The following PARD3B variants were observed in gnomAD, a reference collection of about 807,000 sequenced individuals.
The protein encoded by PARD3B is partitioning defective 3 homolog B.
In PARD3B, 103 loss-of-function variants were observed where a neutral mutation model predicts 130.2. That is an observed-to-expected ratio of 0.79 (90% CI 0.67 to 0.93). PARD3B has a LOEUF of 0.93. PARD3B is among the 40% of genes least tolerant of loss of function. The pLI is 0.00. For missense variants in PARD3B, 1,609 were observed against 1,499.2 expected, an observed-to-expected ratio of 1.07 and a Z score of -1.21; for synonymous variants, 583 against 553.2, an observed-to-expected ratio of 1.05 and a Z score of -0.76.
At chr2:204,681,071 CATTTT>C (rs968723883) in intron 1 of PARD3B, among the ~76,000 whole-genome samples, 61 of 152,170 alleles carry the variant, frequency 4.0e-4, no homozygotes, top group African/African-American at 1.4e-3. Flanking sequence ...AAGATCTGTT[CATTTT>C]GACAGTATAT....
intron 19 of PARD3B, among the ~76,000 whole-genome samples, chr2:205,418,031 T>C (rs1443247524): frequency 6.6e-6 from 1 of 152,224 alleles, no homozygotes; most frequent in East Asian, 1.9e-4. Context: ...TTTTACGTTT[T>C]CTCATATGAA....
At chr2:204,942,867 G>A (rs368843972) in intron 2 of PARD3B, among the ~76,000 whole-genome samples, 55 of 152,048 alleles carry the variant, frequency 3.6e-4, no homozygotes, top group African/African-American at 1.2e-3. Flanking sequence ...GTGAAAAAAG[G>A]AACAACAGAA....
At chr2:205,536,449 CT>C (rs1250561515) in intron 21 of PARD3B, among the ~76,000 whole-genome samples, 3 of 152,132 alleles carry the variant, frequency 2.0e-5, no homozygotes, top group Admixed American at 1.3e-4. Context: ...TCTACCCACT[CT>C]TTGGATGGGT....
At chr2:205,295,031 A>C (rs1030692730) in intron 16 of PARD3B, among the ~76,000 whole-genome samples, 7 of 152,292 alleles carry the variant, frequency 4.6e-5, no homozygotes, top group Non-Finnish European at 7.3e-5. Flanking sequence ...ATGGATTTGC[A>C]ATGATATCAA....
chr2:205,477,380 T>C (rs1046563169), intron 20 of PARD3B, among the ~76,000 whole-genome samples: 2 of 152,182 alleles, frequency 1.3e-5, no homozygotes, highest in African/African-American at 4.8e-5. Context: ...GCCACTCTAG[T>C]TGCTGTCTCC....
rs529824268 is a variant in PARD3B at position 204,653,833 on chromosome 2, A to G, written c.121-32348A>G. 1.4e-3 allele frequency among the ~76,000 whole-genome samples: 213 copies of G among 150,892 alleles called. 15 individuals are homozygous for G. The highest frequency in any genetic ancestry group is 5.1e-3 in the African/African-American group (206 of 40,334). Reference sequence around the variant, plus strand: ...AGTTGAAATATTCATTCAGCATTCAAGGGGACCTGATGTCTGAGATTAGTT... The same window carrying G: ...AGTTGAAATATTCATTCAGCATTCAGGGGGACCTGATGTCTGAGATTAGTT... On this transcript the variant is annotated intron_variant, in intron 1 of 22. Coordinates refer to ENST00000406610, the MANE Select transcript of PARD3B (RefSeq NM_001302769.2).
In PARD3B at chr2:204,580,078, G is replaced by A. The variant is rs13407064; in HGVS notation, c.120+33959G>A. Among the ~76,000 whole-genome samples the A allele has an allele frequency of 8.7e-3, 1,319 of 152,240 alleles. 18 individuals carry two copies. Among genetic ancestry groups the A allele is most frequent in the African/African-American group, 0.03 (1,236 of 41,536 alleles). ...GTTCATTCATCATGCGTTTATAGAAGCCAGTCCTTGACCCAGGGGGACCCA... is the reference window on the plus strand; with the variant it reads ...GTTCATTCATCATGCGTTTATAGAAACCAGTCCTTGACCCAGGGGGACCCA... On this transcript the variant is annotated intron_variant, in intron 1 of 22. Coordinates refer to ENST00000406610, the MANE Select transcript of PARD3B (RefSeq NM_001302769.2).
At chr2:204,781,107 A>G (rs1250656256) in intron 2 of PARD3B, among the ~76,000 whole-genome samples, 1 of 152,156 alleles carries the variant, frequency 6.6e-6, no homozygotes, top group Non-Finnish European at 1.5e-5. Flanking sequence ...GTATGTAATG[A>G]TAATGATTTG....
chr2:204,957,158 T>C (rs780981644), intron 2 of PARD3B, among the ~76,000 whole-genome samples: 10 of 152,206 alleles, frequency 6.6e-5, no homozygotes, highest in Non-Finnish European at 7.4e-5. Context: ...CATATCATCT[T>C]TGAAATTTTA....
chr2:205,028,036 T>C (rs1697156837), intron 3 of PARD3B, among the ~76,000 whole-genome samples: 1 of 152,158 alleles, frequency 6.6e-6, no homozygotes, highest in African/African-American at 2.4e-5. Context: ...TTGCTCAAGA[T>C]TACTTTTGGT....
intron 10 of PARD3B, among the ~76,000 whole-genome samples, chr2:205,136,048 T>G (rs993448156): frequency 2.6e-5 from 4 of 152,132 alleles, no homozygotes; most frequent in Non-Finnish European, 5.9e-5. Context: ...TATAAACGAG[T>G]TCAATGATGT....
At chr2:204,886,063 T>A (rs920995950) in intron 2 of PARD3B, among the ~76,000 whole-genome samples, 3 of 152,194 alleles carry the variant, frequency 2.0e-5, no homozygotes, top group African/African-American at 7.2e-5. Flanking sequence ...CTGTTCACAA[T>A]TTTGGGGCTT....
rs2055521582 is a variant in PARD3B at position 205,619,064 on chromosome 2, TG to T, written c.*3255del. ...ACCGACTGTCACCCGTGGATCCTGA[TG>T]GGGAAGAACAGAGGCTTCACTGTAG... On this transcript the variant is annotated 3_prime_UTR_variant, in exon 23 of 23. Coordinates refer to ENST00000406610, the MANE Select transcript of PARD3B (RefSeq NM_001302769.2). 6.6e-6 allele frequency: 1 copy of T among 152,202 alleles called. No individual in the cohort carries two copies. The highest frequency in any genetic ancestry group is 2.1e-4 in the South Asian group (1 of 4,824). The allele number at this position is 152,202 out of a possible 1,614,324, so 9.4% of individuals were successfully genotyped here.
chr2:205,066,343 C>T (rs1453298302), intron 4 of PARD3B, among the ~76,000 whole-genome samples: 2 of 152,118 alleles, frequency 1.3e-5, no homozygotes, highest in Non-Finnish European at 2.9e-5. Flanking sequence ...AAGATAGGTG[C>T]CTTTTTCCTG....
intron 2 of PARD3B, among the ~76,000 whole-genome samples, chr2:204,937,150 G>A (rs1179595871): frequency 6.6e-6 from 1 of 152,220 alleles, no homozygotes; most frequent in Non-Finnish European, 1.5e-5. Flanking sequence ...ATGATGCCAG[G>A]ACCAGGGTAG....
intron 1 of PARD3B, among the ~76,000 whole-genome samples, chr2:204,643,576 G>C (rs983864069): frequency 6.6e-6 from 1 of 151,986 alleles, no homozygotes; most frequent in Non-Finnish European, 1.5e-5. Context: ...ACACAGATTC[G>C]TAAACTGTCT....
intron 21 of PARD3B, among the ~76,000 whole-genome samples, chr2:205,537,876 G>A (rs191363670): frequency 1.6e-4 from 25 of 152,288 alleles, no homozygotes; most frequent in Admixed American, 2.6e-4. Context: ...TAGAATTAAT[G>A]TTGCCACATG....
intron 4 of PARD3B, among the ~76,000 whole-genome samples, chr2:205,083,353 A>G (rs1247279977): frequency 6.6e-6 from 1 of 152,134 alleles, no homozygotes; most frequent in African/African-American, 2.4e-5. Context: ...AAAAGAGGAA[A>G]TAACTTTCCA....
Position 204,651,927 on chromosome 2 carries a change from G to A in PARD3B, c.121-34254G>A, listed in dbSNP as rs140216501. Among the ~76,000 whole-genome samples the A allele has an allele frequency of 8.7e-3, 1,323 of 152,190 alleles. 7 individuals carry two copies. The highest frequency in any genetic ancestry group is 0.013 in the Non-Finnish European group (865 of 67,998). On this transcript the variant is annotated intron_variant, in intron 1 of 22. Transcript: ENST00000406610. ...ATGGCCCAAGCTGTACCTTGGCCTC[G>A]CAGCCATGGCTGGAACTGGAGTGGC... is the stretch of plus-strand genomic sequence containing the variant.
Sources: allele counts gnomAD v4.1 joint callset (sites outside exome capture counted in the v4.1 genomes callset), GRCh38; gene constraint gnomAD v4.1.1; transcripts MANE v1.5; gene names NCBI Gene and HGNC (gene_info 2026-07-23, HGNC 2026-07-21).